NPIPA5: variants seen among roughly 807,000 people sequenced by gnomAD.
NPIPA5 encodes nuclear pore complex interacting protein family member A5, also known as nuclear pore complex-interacting protein family member A5.
A neutral mutation model predicts 21.4 loss-of-function variants in NPIPA5; 6 were observed. That is an observed-to-expected ratio of 0.28 (90% CI 0.15 to 0.55). The LOEUF (loss-of-function observed/expected upper bound fraction) is 0.55. Ranked by LOEUF, NPIPA5 falls within the 20% of genes least tolerant of loss-of-function variation. NPIPA5 has a pLI of 0.93. For synonymous variants in NPIPA5, 33 were observed against 115.3 expected (o/e 0.29, Z 4.57); for missense variants, 99 against 318.2 (o/e 0.31, Z 5.24).
intron 1 of NPIPA5, among the ~76,000 whole-genome samples, chr16:15,374,260 G>T (rs1389957947): frequency 2.0e-5 from 3 of 150,666 alleles, no homozygotes; most frequent in Admixed American, 6.6e-5. Flanking sequence ...GTGCAGTGGT[G>T]CAATCTCGGC....
upstream of NPIPA5, chr16:15,381,177 C>A (rs987931348): frequency 1.7e-6 from 1 of 601,954 alleles, no homozygotes; most frequent in Non-Finnish European, 2.9e-6. Context: ...CAGAAAAGGA[C>A]AGAACCAAGT....
At chr16:15,369,468 G>C (rs1250612520) in intron 4 of NPIPA5, among the ~76,000 whole-genome samples, 1 of 151,492 alleles carries the variant, frequency 6.6e-6, no homozygotes, top group East Asian at 1.9e-4. Flanking sequence ...AAAAAAGAGA[G>C]AGAGAAAGGA....
chr16:15,375,565 A>C (rs2050268964), intron 1 of NPIPA5, among the ~76,000 whole-genome samples: 2 of 149,696 alleles, frequency 1.3e-5, no homozygotes, highest in East Asian at 2.0e-4. Flanking sequence ...AACACGGTGA[A>C]ACCCATCTCT....
At chr16:15,369,516 A>G (rs972150001) in intron 4 of NPIPA5, among the ~76,000 whole-genome samples, 196 bp downstream of exon 4, 10 of 152,094 alleles carry the variant, frequency 6.6e-5, no homozygotes, top group Admixed American at 2.0e-4. Flanking sequence ...CTTCCCCTGA[A>G]AAAATGACAA....
chr16:15,374,114 C>A, intron 1 of NPIPA5, among the ~76,000 whole-genome samples: 1 of 145,548 alleles, frequency 6.9e-6, no homozygotes, highest in African/African-American at 2.6e-5. Context: ...ACTTCCCTGC[C>A]TATATTAAAA....
At chr16:15,381,079 T>G, upstream of NPIPA5, 1 of 1,537,310 alleles carries the variant, frequency 6.5e-7, no homozygotes, top group Non-Finnish European at 8.7e-7. Context: ...TCATGATGAG[T>G]GCCAACCTAT....
rs552574138 is a variant in NPIPA5 at position 15,370,299 on chromosome 16, C to T, written c.193-180G>A. On this transcript the variant is annotated intron_variant, in intron 2 of 7. Transcript: ENST00000360151. ...AAAATTAGCCGGGCATGGCAGTGGG[C>T]GCCTGTAATCCAAGCTACTCGGGAG... Among the ~76,000 whole-genome samples, 194 of 144,758 alleles carry T rather than the reference C, an allele frequency of 1.3e-3. 12 individuals carry two copies. The highest frequency in any genetic ancestry group is 4.8e-3 in the African/African-American group (192 of 39,838). The allele number at this position is 144,758 out of a possible 152,430, so 95.0% of individuals were successfully genotyped here.
At chr16:15,377,481 A>G (rs2050329392) in intron 1 of NPIPA5, among the ~76,000 whole-genome samples, 1 of 144,218 alleles carries the variant, frequency 6.9e-6, no homozygotes, top group Non-Finnish European at 1.5e-5. Context: ...TCCCAGCAGG[A>G]GCCAAAAGAG....
intron 4 of NPIPA5, among the ~76,000 whole-genome samples, chr16:15,369,494 C>G (rs1293402076): frequency 6.6e-6 from 1 of 151,220 alleles, no homozygotes; most frequent in Non-Finnish European, 1.5e-5. Context: ...AATGCCAGTA[C>G]TAGCAACTCC....
chr16:15,374,176 C>T (rs1330347681), intron 1 of NPIPA5, among the ~76,000 whole-genome samples: 1 of 150,136 alleles, frequency 6.7e-6, no homozygotes, highest in African/African-American at 2.5e-5. Context: ...CTAACAATAG[C>T]TGATGATCTA....
chr16:15,380,906 C>G, upstream of NPIPA5: 1 of 1,113,320 alleles, frequency 9.0e-7, no homozygotes, highest in Non-Finnish European at 1.3e-6. Context: ...GCACCAGGCC[C>G]CATCTGTCTG....
intron 4 of NPIPA5, among the ~76,000 whole-genome samples, chr16:15,369,207 G>T (rs1477311132): frequency 6.8e-6 from 1 of 147,226 alleles, no homozygotes; most frequent in Non-Finnish European, 1.5e-5. Flanking sequence ...TCTAATCCCA[G>T]CACTTTGGGA....
chr16:15,380,194 A>T (rs2150893236), upstream of NPIPA5, among the ~76,000 whole-genome samples: 1 of 152,128 alleles, frequency 6.6e-6, no homozygotes, highest in Admixed American at 6.6e-5. Flanking sequence ...AATAAATGTG[A>T]TGTGGTTAAT....
At chr16:15,381,127 A>G, upstream of NPIPA5, 1 of 1,532,634 alleles carries the variant, frequency 6.5e-7, no homozygotes, top group East Asian at 2.4e-5. Flanking sequence ...AATGAGTGGA[A>G]AAACAAGGTG....
intron 1 of NPIPA5, among the ~76,000 whole-genome samples, chr16:15,374,137 T>C (rs1465701738): frequency 1.3e-5 from 2 of 148,872 alleles, no homozygotes; most frequent in East Asian, 4.0e-4. Context: ...AGCAAAGTTG[T>C]CTTGAGCCAC....
At chr16:15,377,018 C>T in intron 1 of NPIPA5, among the ~76,000 whole-genome samples, 1 of 151,842 alleles carries the variant, frequency 6.6e-6, no homozygotes, top group Non-Finnish European at 1.5e-5. Flanking sequence ...TGACACAAAT[C>T]AAATGACATT....
upstream of NPIPA5, among the ~76,000 whole-genome samples, chr16:15,379,985 C>G (rs201683414): frequency 3.7e-3 from 535 of 143,572 alleles, 7 homozygotes; most frequent in African/African-American, 0.013. Flanking sequence ...GTGTGTGTGT[C>G]TGTGTGTGTG....
chr16:15,381,472 T>C, upstream of NPIPA5: 1 of 982,338 alleles, frequency 1.0e-6, no homozygotes, highest in Non-Finnish European at 1.2e-6. Context: ...TAGTGATTTC[T>C]CATTTTTACA....
chr16:15,370,476 G>T (rs2050123205), intron 2 of NPIPA5, among the ~76,000 whole-genome samples: 1 of 145,318 alleles, frequency 6.9e-6, no homozygotes, highest in Non-Finnish European at 1.5e-5. Context: ...CATGAGGCTG[G>T]CATGGTGGCT....
Sources: gnomAD v4.1 joint callset for allele counts (sites outside exome capture counted in the v4.1 genomes callset) on GRCh38, gnomAD v4.1.1 for gene constraint, MANE v1.5 for transcripts, NCBI Gene and HGNC (gene_info 2026-07-23, HGNC 2026-07-21) for gene names.